The following FRRS1 variants were observed in gnomAD, a reference collection of about 807,000 sequenced individuals.
FRRS1 encodes the protein ferric reductase 1.
In FRRS1, 51 loss-of-function variants were observed where a neutral mutation model predicts 70.7. The observed-to-expected ratio is 0.72, with a 90% CI of 0.58 to 0.91. FRRS1 has a LOEUF of 0.91. FRRS1 is among the 40% of genes least tolerant of loss of function. The pLI is 0.00. For synonymous variants in FRRS1, 225 were observed against 238.7 expected, an observed-to-expected ratio of 0.94 and a Z score of 0.53; for missense variants, 672 against 726.0, an observed-to-expected ratio of 0.93 and a Z score of 0.86.
rs1448096907 is a variant in FRRS1 at position 99,709,247 on chromosome 1, T to A, written c.1637A>T (p.Asp546Val). ...YRLSRKVEIL[D>V]DDRIQILQSF... ...CTGAAGGATCTGAATTCTGTCATCA[T>A]CCAATATTTCAACTGTCAAGAATAA... Residue 546 changes from aspartate to valine, a missense_variant, in exon 16 of 17, where the codon GAT (aspartate) becomes GTT (valine). By Grantham distance (152) the Asp-to-Val change is radical. Transcript: ENST00000646001. The A allele has an allele frequency of 3.1e-6, 5 of 1,604,956 alleles. No individual in the cohort carries two copies. The East Asian group carries it at 6.7e-5, about 21-fold the overall frequency.
At chr1:99,746,570 C>T (rs1292527421) in intron 4 of FRRS1, among the ~76,000 whole-genome samples, 3 of 152,064 alleles carry the variant, frequency 2.0e-5, no homozygotes, top group African/African-American at 7.2e-5. Context: ...TAATAGACAC[C>T]ACAACAGAAG....
intron 1 of FRRS1, among the ~76,000 whole-genome samples, chr1:99,763,697 C>T (rs1189937544): frequency 2.0e-5 from 3 of 151,828 alleles, no homozygotes; most frequent in Non-Finnish European, 4.4e-5. Flanking sequence ...GGAGAAACCC[C>T]TTCTCTACTA....
At chr1:99,737,992 C>G in intron 7 of FRRS1, 94 bp downstream of exon 7, 1 of 1,002,286 alleles carries the variant, frequency 1.0e-6, no homozygotes, top group South Asian at 1.7e-5. Flanking sequence ...CCACCTGCCT[C>G]GGCCTCCCAA....
At chr1:99,757,521 T>C (rs1489064596) in intron 1 of FRRS1, among the ~76,000 whole-genome samples, 1 of 152,188 alleles carries the variant, frequency 6.6e-6, no homozygotes, top group Non-Finnish European at 1.5e-5. Flanking sequence ...AGTATAAATA[T>C]GGCAAATAAA....
At position 99,742,238 on chromosome 1, in the gene FRRS1, T is replaced by G; in HGVS notation, c.369A>C (p.Lys123Asn). ...CATTCCAGTAGACTTTAATTTCTGTTTTTTTAGATGCACTTCTGTGACTCA... is the reference window on the plus strand; with the variant it reads ...CATTCCAGTAGACTTTAATTTCTGTGTTTTTAGATGCACTTCTGTGACTCA... Reference protein sequence around the residue: ...SAVSHRSASKKTEIKVYWNAP... With the variant: ...SAVSHRSASKNTEIKVYWNAP... The change falls in exon 5 of 17, where the codon AAA becomes AAC. Residue 123 changes from lysine to asparagine, a missense_variant. Coordinates refer to ENST00000646001, the MANE Select transcript of FRRS1 (RefSeq NM_001361041.2). The G allele has an allele frequency of 6.2e-7, 1 of 1,611,768 alleles. No homozygotes were observed.
At chr1:99,741,219 T>C (rs1655946496) in intron 5 of FRRS1, among the ~76,000 whole-genome samples, 1 of 152,226 alleles carries the variant, frequency 6.6e-6, no homozygotes, top group Non-Finnish European at 1.5e-5. Context: ...GGGACAAAAC[T>C]GCACAGATTT....
chr1:99,759,616 C>A (rs1012004708), intron 1 of FRRS1, among the ~76,000 whole-genome samples: 3 of 151,972 alleles, frequency 2.0e-5, no homozygotes, highest in African/African-American at 7.3e-5. Context: ...ACAGAGTCAG[C>A]AAGTTAAGAC....
Position 99,708,616 on chromosome 1 carries a change from A to T in FRRS1, c.*412T>A, listed in dbSNP as rs1654112650. On this transcript the variant is annotated 3_prime_UTR_variant, in exon 17 of 17. Coordinates refer to ENST00000646001, the MANE Select transcript of FRRS1 (RefSeq NM_001361041.2). ...CTGTCTCAAAAAAAAAAAAAAAAAA[A>T]AAAAAAAAAATATATATATATATAT... 4 of 93,724 alleles carry T rather than the reference A, an allele frequency of 4.3e-5. No individual in the cohort carries two copies. Among genetic ancestry groups the T allele is most frequent in the African/African-American group, 1.9e-4 (4 of 20,796 alleles). 5.8% of individuals were successfully genotyped at this position (93,724 alleles called of 1,614,324 possible).
At position 99,747,450 on chromosome 1, in the gene FRRS1, G is replaced by C. The variant is rs770571804; in HGVS notation, c.197-20C>G. The C allele has an allele frequency of 4.4e-6, 7 of 1,603,218 alleles. No homozygotes were observed. Among genetic ancestry groups the C allele is most frequent in the African/African-American group, 1.4e-5 (1 of 73,982 alleles). Reference sequence around the variant, plus strand: ...AAGTAACTGAGAAAAAGACAAAAGGGTTGGTTAAAAAGCTTAGTAATATCA... The same window carrying C: ...AAGTAACTGAGAAAAAGACAAAAGGCTTGGTTAAAAAGCTTAGTAATATCA... On this transcript the variant is annotated intron_variant, in intron 3 of 16. Transcript: ENST00000646001.
At chr1:99,761,240 C>T (rs1354924998) in intron 1 of FRRS1, among the ~76,000 whole-genome samples, 1 of 151,958 alleles carries the variant, frequency 6.6e-6, no homozygotes, top group Non-Finnish European at 1.5e-5. Flanking sequence ...AATCCTCCCA[C>T]CTCACCCTCC....
At chr1:99,712,680 G>T (rs1195953192) in intron 12 of FRRS1, among the ~76,000 whole-genome samples, 165 bp from the exon 13 acceptor site, 2 of 152,118 alleles carry the variant, frequency 1.3e-5, no homozygotes, top group African/African-American at 4.8e-5. Flanking sequence ...TATACACGTT[G>T]TACCAGGCAT....
intron 7 of FRRS1, among the ~76,000 whole-genome samples, chr1:99,733,151 G>A (rs547316167): frequency 4.0e-4 from 61 of 152,246 alleles, no homozygotes; most frequent in African/African-American, 1.4e-3. Context: ...GCCCAGCCAA[G>A]ACGATCTTAA....
chr1:99,706,408 C>CAA lies in FRRS1; in HGVS notation c.*2618_*2619dup, dbSNP rs57154873. The stretch of plus-strand genomic sequence containing the variant: ...TGGGCAACAGAGTAAGACCCTGTCT[C>CAA]AAAAAAAAAAAAAAAAGATTAAATG... On this transcript the variant is annotated 3_prime_UTR_variant, in exon 17 of 17. Transcript: ENST00000646001. Among the ~76,000 whole-genome samples, 2 of 92,970 alleles carry CAA rather than the reference C, an allele frequency of 2.2e-5. No homozygotes were observed. 61.0% of individuals were successfully genotyped at this position (92,970 alleles called of 152,430 possible).
chr1:99,754,982 T>A (rs1199519047), intron 1 of FRRS1, among the ~76,000 whole-genome samples: 3 of 152,022 alleles, frequency 2.0e-5, no homozygotes, highest in East Asian at 3.9e-4. Flanking sequence ...ATTCTTTTCA[T>A]TTAAGGAGGA....
rs147252428 is a variant in FRRS1 at position 99,716,474 on chromosome 1, G to A, written c.1237-802C>T. ...AGAGAGAGCACAAGAGCAAAGGCAC[G>A]CAAGTGCAAGCAAGAAAGTAGTCAC... On this transcript the variant is annotated intron_variant, in intron 11 of 16. Coordinates refer to ENST00000646001, the MANE Select transcript of FRRS1 (RefSeq NM_001361041.2). 4.5e-3 allele frequency among the ~76,000 whole-genome samples: 684 copies of A among 152,282 alleles called. 3 individuals carry two copies. In the Middle Eastern group the frequency reaches 0.061, roughly 14 times the overall value.
rs557509842 is a variant in FRRS1 at position 99,707,196 on chromosome 1, G to A, written c.*1832C>T. Among the ~76,000 whole-genome samples the A allele has an allele frequency of 6.6e-6, 1 of 151,736 alleles. No individual in the cohort carries two copies. The highest frequency in any genetic ancestry group is 2.4e-5 in the African/African-American group (1 of 41,294). On this transcript the variant is annotated 3_prime_UTR_variant, in exon 17 of 17. Transcript: ENST00000646001. Reference sequence around the variant, plus strand: ...TTATTTTACCCAGTAAAAGATGTAGGCTATTAGTAGAAAGTTGGTTAAGTA... The same window carrying A: ...TTATTTTACCCAGTAAAAGATGTAGACTATTAGTAGAAAGTTGGTTAAGTA...
chr1:99,747,901 T>C (rs1165187979), intron 3 of FRRS1: 1 of 152,828 alleles, frequency 6.5e-6, no homozygotes, highest in Non-Finnish European at 1.5e-5. Context: ...AGGTGTTTTC[T>C]TTTGAATTGC....
At chr1:99,721,437 T>C (rs1450544620) in intron 9 of FRRS1, among the ~76,000 whole-genome samples, 2 of 149,508 alleles carry the variant, frequency 1.3e-5, no homozygotes, top group African/African-American at 4.9e-5. Context: ...GCTGCTAATA[T>C]AGAAGACCAT....
rs1654028646 is a variant in FRRS1 at position 99,706,053 on chromosome 1, A to G, written c.*2975T>C. Among the ~76,000 whole-genome samples, 2 of 152,180 alleles carry G rather than the reference A, an allele frequency of 1.3e-5. No homozygotes were observed. Among genetic ancestry groups the G allele is most frequent in the Non-Finnish European group, 2.9e-5 (2 of 68,034 alleles). ...TGCAATTTGTGGATACCAACCACCC[A>G]TAAGCAGAAGAAGAATAATTTGGTT... On this transcript the variant is annotated 3_prime_UTR_variant, in exon 17 of 17. Coordinates refer to ENST00000646001, the MANE Select transcript of FRRS1 (RefSeq NM_001361041.2).
Sources: allele counts gnomAD v4.1 joint callset (sites outside exome capture counted in the v4.1 genomes callset), GRCh38; gene constraint gnomAD v4.1.1; transcripts MANE v1.5; gene names NCBI Gene and HGNC (gene_info 2026-07-23, HGNC 2026-07-21).